CADM2: variants seen among roughly 807,000 people sequenced by gnomAD.
CADM2 encodes immunoglobulin superfamily member 4D.
A neutral mutation model predicts 49.8 loss-of-function variants in CADM2; 12 were observed. The observed-to-expected ratio is 0.24, with a 90% CI of 0.15 to 0.39. The LOEUF (loss-of-function observed/expected upper bound fraction) is 0.39, where lower values mean the gene tolerates loss of function less well. CADM2 is among the 10% of genes least tolerant of loss of function. CADM2 has a pLI of 1.00. For synonymous variants in CADM2, 214 were observed against 175.4 expected (o/e 1.22, Z -1.74); for missense variants, 378 against 492.3 (o/e 0.77, Z 2.20).
At chr3:85,944,949 G>C (rs1482252537) in intron 7 of CADM2, among the ~76,000 whole-genome samples, 3 of 151,946 alleles carry the variant, frequency 2.0e-5, no homozygotes, top group Non-Finnish European at 4.4e-5. Context: ...GAAGGAAATA[G>C]AGACACAAAA....
chr3:85,036,124 T>C (rs1445613785), intron 1 of CADM2, among the ~76,000 whole-genome samples: 6 of 152,186 alleles, frequency 3.9e-5, no homozygotes, highest in Non-Finnish European at 5.9e-5. Flanking sequence ...TGTCATACAT[T>C]ATTTCTTACC....
At chr3:85,855,988 T>C (rs142825637) in intron 3 of CADM2, among the ~76,000 whole-genome samples, 100 of 152,290 alleles carry the variant, frequency 6.6e-4, no homozygotes, top group Non-Finnish European at 1.3e-3. Flanking sequence ...TGGAAATCAA[T>C]GCAGCATTGC....
At chr3:85,768,304 G>A (rs1202708054) in intron 2 of CADM2, among the ~76,000 whole-genome samples, 1 of 151,796 alleles carries the variant, frequency 6.6e-6, no homozygotes, top group Non-Finnish European at 1.5e-5. Context: ...AAATTAGCCG[G>A]GTCTGGTGGT....
intron 1 of CADM2, among the ~76,000 whole-genome samples, chr3:85,660,182 G>T (rs1360409303): frequency 2.6e-5 from 4 of 152,088 alleles, no homozygotes; most frequent in African/African-American, 9.7e-5. Context: ...AAGGGTAAGA[G>T]ATTTCTGTAT....
At chr3:84,977,187 G>T (rs1335386679) in intron 1 of CADM2, among the ~76,000 whole-genome samples, 2 of 151,952 alleles carry the variant, frequency 1.3e-5, no homozygotes, top group Non-Finnish European at 2.9e-5. Context: ...CTCCAATGAA[G>T]AATTGATACA....
intron 1 of CADM2, among the ~76,000 whole-genome samples, chr3:85,095,715 T>C (rs1328503347): frequency 6.6e-6 from 1 of 152,212 alleles, no homozygotes; most frequent in Non-Finnish European, 1.5e-5. Flanking sequence ...TAGAGAAATA[T>C]GTTCAAATTG....
chr3:85,481,405 G>A (rs186894694), intron 1 of CADM2, among the ~76,000 whole-genome samples: 286 of 151,644 alleles, frequency 1.9e-3, no homozygotes, highest in African/African-American at 6.7e-3. Context: ...TGCTTAAGCC[G>A]CTTCCATGAA....
At chr3:85,590,739 T>C (rs1234557258) in intron 1 of CADM2, among the ~76,000 whole-genome samples, 4 of 151,788 alleles carry the variant, frequency 2.6e-5, no homozygotes. Context: ...ATGAATAAAC[T>C]CTATGAAATA....
intron 8 of CADM2, among the ~76,000 whole-genome samples, chr3:85,996,567 GTATAA>G (rs1279439534): frequency 1.3e-5 from 2 of 151,716 alleles, no homozygotes; most frequent in Non-Finnish European, 2.9e-5. Context: ...AAAACAATAC[GTATAA>G]TATTTTTCTG....
At chr3:85,969,036 T>C (rs1000393426) in intron 8 of CADM2, among the ~76,000 whole-genome samples, 3 of 151,562 alleles carry the variant, frequency 2.0e-5, no homozygotes, top group African/African-American at 7.3e-5. Context: ...CAAATCACAT[T>C]CCCAAAGTGG....
At chr3:85,331,754 C>T (rs923944249) in intron 1 of CADM2, among the ~76,000 whole-genome samples, 3 of 151,908 alleles carry the variant, frequency 2.0e-5, no homozygotes, top group Admixed American at 6.6e-5. Flanking sequence ...TATGAGGGTT[C>T]CCCTTTCTCC....
At chr3:85,292,434 C>T (rs1374091452) in intron 1 of CADM2, among the ~76,000 whole-genome samples, 1 of 151,410 alleles carries the variant, frequency 6.6e-6, no homozygotes, top group Admixed American at 6.6e-5. Context: ...CTGCCCCAAG[C>T]AGACCTAATA....
chr3:85,861,179 G>C (rs1016117951), intron 3 of CADM2, among the ~76,000 whole-genome samples: 10 of 152,150 alleles, frequency 6.6e-5, no homozygotes, highest in African/African-American at 2.4e-4. Context: ...AACCAGAAAG[G>C]TCAGTTAGGA....
intron 1 of CADM2, among the ~76,000 whole-genome samples, chr3:85,544,342 G>A (rs941504220): frequency 1.3e-5 from 2 of 152,176 alleles, no homozygotes; most frequent in African/African-American, 4.8e-5. Flanking sequence ...ACTTTGGGAG[G>A]CCGAGGCGGG....
chr3:85,317,425 G>A (rs2044495585), intron 1 of CADM2, among the ~76,000 whole-genome samples: 1 of 152,122 alleles, frequency 6.6e-6, no homozygotes, highest in African/African-American at 2.4e-5. Context: ...CTATATAAGG[G>A]AAGTAGCCAT....
At chr3:85,329,194 T>A (rs1478667863) in intron 1 of CADM2, among the ~76,000 whole-genome samples, 1 of 152,142 alleles carries the variant, frequency 6.6e-6, no homozygotes, top group Non-Finnish European at 1.5e-5. Context: ...TACATTTCTG[T>A]TCTTTAAGCC....
chr3:85,243,607 G>A (rs1038246356), intron 1 of CADM2, among the ~76,000 whole-genome samples: 2 of 152,042 alleles, frequency 1.3e-5, no homozygotes, highest in Admixed American at 6.6e-5. Context: ...GGTCTTGAAA[G>A]AGGCAGAGTG....
intron 1 of CADM2, among the ~76,000 whole-genome samples, chr3:85,270,255 G>T (rs1306568108): frequency 2.6e-5 from 4 of 151,192 alleles, no homozygotes; most frequent in Non-Finnish European, 4.4e-5. Flanking sequence ...TCAGGGAATT[G>T]CCAGAATATT....
chr3:85,935,514 A>AAAT (rs1721100587), intron 6 of CADM2, among the ~76,000 whole-genome samples: 1 of 152,054 alleles, frequency 6.6e-6, no homozygotes, highest in African/African-American at 2.4e-5. Context: ...TTTCTCTTTT[A>AAAT]AATTCAGATT....
Sources: gnomAD v4.1 joint callset for allele counts (sites outside exome capture counted in the v4.1 genomes callset) on GRCh38, gnomAD v4.1.1 for gene constraint, MANE v1.5 for transcripts, NCBI Gene and HGNC (gene_info 2026-07-23, HGNC 2026-07-21) for gene names.